Variants in RARB observed in about 807,000 individuals in gnomAD.
RARB encodes the protein HBV-activated protein.
In RARB, 17 loss-of-function variants were observed where a neutral mutation model predicts 51.9. That is an observed-to-expected ratio of 0.33 (90% CI 0.22 to 0.49). The LOEUF (loss-of-function observed/expected upper bound fraction) is 0.49. Ranked by LOEUF, RARB falls within the 20% of genes least tolerant of loss-of-function variation. RARB has a pLI of 0.99. For missense variants in RARB, 369 were observed against 550.8 expected (o/e 0.67, Z 3.30); for synonymous variants, 215 against 195.4 (o/e 1.10, Z -0.84).
intron 2 of RARB, among the ~76,000 whole-genome samples, chr3:24,918,114 A>G (rs574043241): frequency 1.3e-5 from 2 of 152,350 alleles, no homozygotes; most frequent in East Asian, 1.9e-4. Flanking sequence ...TCAGAATAAC[A>G]TTGTTCTTAG....
chr3:25,489,595 A>G (rs1469041782), intron 2 of RARB, among the ~76,000 whole-genome samples: 1 of 152,232 alleles, frequency 6.6e-6, no homozygotes, highest in Non-Finnish European at 1.5e-5. Context: ...AAAGAGACAC[A>G]AAGATCAATT....
At chr3:24,931,071 C>T (rs928413325) in intron 2 of RARB, among the ~76,000 whole-genome samples, 2 of 151,976 alleles carry the variant, frequency 1.3e-5, no homozygotes, top group African/African-American at 4.8e-5. Flanking sequence ...TTCAAGGTCA[C>T]ACAACTCTTA....
intron 1 of RARB, among the ~76,000 whole-genome samples, chr3:25,445,967 G>A (rs796131402): frequency 2.0e-5 from 3 of 152,294 alleles, no homozygotes; most frequent in African/African-American, 7.2e-5. Context: ...TGGATTAAAG[G>A]TATTAAAACT....
intron 5 of RARB, among the ~76,000 whole-genome samples, chr3:25,328,572 C>T (rs759291382): frequency 9.2e-5 from 14 of 152,120 alleles, no homozygotes; most frequent in Non-Finnish European, 2.1e-4. Flanking sequence ...CCAAGATGGC[C>T]GAATAGGAAG....
intron 2 of RARB, among the ~76,000 whole-genome samples, chr3:24,967,160 A>G (rs767145703): frequency 8.5e-5 from 13 of 152,158 alleles, no homozygotes; most frequent in Non-Finnish European, 1.9e-4. Flanking sequence ...GGGCTTCCAT[A>G]GTAATGGCCA....
At chr3:24,947,650 A>G (rs1010891174) in intron 2 of RARB, among the ~76,000 whole-genome samples, 1 of 152,192 alleles carries the variant, frequency 6.6e-6, no homozygotes, top group Non-Finnish European at 1.5e-5. Context: ...AAGATTCTCC[A>G]TCCACTCTGG....
intron 5 of RARB, among the ~76,000 whole-genome samples, chr3:25,278,080 T>C (rs1703435525): frequency 6.6e-6 from 1 of 152,178 alleles, no homozygotes; most frequent in South Asian, 2.1e-4. Flanking sequence ...TTCATGTGTA[T>C]TTTTTTGTCA....
intron 4 of RARB, among the ~76,000 whole-genome samples, chr3:25,578,133 C>A (rs990325305): frequency 1.3e-5 from 2 of 152,250 alleles, no homozygotes; most frequent in African/African-American, 2.4e-5. Flanking sequence ...TGAAAATCCA[C>A]GCTTCGCTGG....
At chr3:25,337,450 C>T (rs1392666299) in intron 5 of RARB, among the ~76,000 whole-genome samples, 1 of 152,112 alleles carries the variant, frequency 6.6e-6, no homozygotes, top group Non-Finnish European at 1.5e-5. Context: ...AGGGCTTTAC[C>T]AATAGCTACA....
intron 4 of RARB, among the ~76,000 whole-genome samples, chr3:25,141,245 T>C (rs938120977): frequency 6.6e-6 from 1 of 152,130 alleles, no homozygotes; most frequent in Non-Finnish European, 1.5e-5. Flanking sequence ...TATTTGCCTG[T>C]CCTTGCATGA....
At chr3:25,113,456 T>G (rs1214894482) in intron 3 of RARB, among the ~76,000 whole-genome samples, 1 of 152,222 alleles carries the variant, frequency 6.6e-6, no homozygotes, top group Admixed American at 6.5e-5. Flanking sequence ...TTTGTTTGTT[T>G]TCTTAGGAAA....
In RARB at chr3:25,250,141, T is replaced by G. The variant is rs563952710; in HGVS notation, c.178+75566T>G. 3.3e-5 allele frequency among the ~76,000 whole-genome samples: 5 copies of G among 152,184 alleles called. No homozygotes were observed. In the South Asian group the frequency reaches 1.0e-3, roughly 32 times the overall value. ...TCAGTACTCAGGCCTGCAGGTGGCA[T>G]GTACAGGTGGTGCCAGCTGTAGTAG... On this transcript the variant is annotated intron_variant, in intron 5 of 11. Coordinates refer to the RARB transcript ENST00000383772.
intron 3 of RARB, among the ~76,000 whole-genome samples, chr3:25,567,539 C>T (rs550151133): frequency 2.4e-4 from 37 of 152,300 alleles, no homozygotes; most frequent in African/African-American, 7.2e-4. Context: ...TCCACTTCCC[C>T]GTCATCGGGT....
At chr3:24,962,128 A>G (rs560157966) in intron 2 of RARB, among the ~76,000 whole-genome samples, 1 of 151,726 alleles carries the variant, frequency 6.6e-6, no homozygotes, top group East Asian at 2.0e-4. Flanking sequence ...ACGGGGTTTC[A>G]CCGTGTTAGC....
chr3:24,910,914 C>G (rs1694977003), intron 2 of RARB, among the ~76,000 whole-genome samples: 1 of 152,212 alleles, frequency 6.6e-6, no homozygotes, highest in South Asian at 2.1e-4. Context: ...GGAAAAGGAA[C>G]TAGATTTTAT....
chr3:25,046,693 G>A (rs1005826492), intron 2 of RARB, among the ~76,000 whole-genome samples: 1 of 152,046 alleles, frequency 6.6e-6, no homozygotes, highest in African/African-American at 2.4e-5. Flanking sequence ...GTCCTCAAGT[G>A]ATCCTCCCAC....
chr3:25,126,363 T>C (rs1398282605), intron 3 of RARB, among the ~76,000 whole-genome samples: 1 of 152,064 alleles, frequency 6.6e-6, no homozygotes, highest in Non-Finnish European at 1.5e-5. Flanking sequence ...GGGAAAGAAA[T>C]CTAGTCAGGT....
At chr3:24,917,572 C>T (rs1015621507) in intron 2 of RARB, among the ~76,000 whole-genome samples, 1 of 152,198 alleles carries the variant, frequency 6.6e-6, no homozygotes, top group East Asian at 1.9e-4. Context: ...GCTCTGTCAC[C>T]CAGACTAGAG....
chr3:25,447,731 CT>C (rs1223679433), intron 1 of RARB, among the ~76,000 whole-genome samples: 1 of 152,096 alleles, frequency 6.6e-6, no homozygotes, highest in African/African-American at 2.4e-5. Context: ...GAGAGCACTT[CT>C]GATTAATGCC....
Sources: allele counts gnomAD v4.1 joint callset (sites outside exome capture counted in the v4.1 genomes callset), GRCh38; gene constraint gnomAD v4.1.1; transcripts MANE v1.5; gene names NCBI Gene and HGNC (gene_info 2026-07-23, HGNC 2026-07-21).